Variants in GRID2 observed in about 807,000 individuals in gnomAD.
The protein encoded by GRID2 is glutamate ionotropic receptor delta type subunit 2.
GRID2 carries 33 observed loss-of-function variants against 114.8 expected under a neutral mutation model. The observed-to-expected ratio is 0.29, with a 90% CI of 0.22 to 0.38. GRID2 has a LOEUF of 0.38. Ranked by LOEUF, GRID2 falls within the 10% of genes least tolerant of loss-of-function variation. GRID2 has a pLI of 1.00. For missense variants in GRID2, 1,184 were observed against 1,257.7 expected (o/e 0.94, Z 0.89); for synonymous variants, 505 against 449.9 (o/e 1.12, Z -1.55).
chr4:92,681,801 T>G (rs1733662936), intron 2 of GRID2, among the ~76,000 whole-genome samples: 2 of 152,154 alleles, frequency 1.3e-5, no homozygotes, highest in African/African-American at 4.8e-5. Context: ...ATTGGTTTGT[T>G]GATTTAAAAA....
At chr4:92,429,360 C>A (rs894986472) in intron 1 of GRID2, among the ~76,000 whole-genome samples, 7 of 152,108 alleles carry the variant, frequency 4.6e-5, no homozygotes, top group Non-Finnish European at 8.8e-5. Context: ...TGTCTTTCTG[C>A]GCCTGGCTTA....
At chr4:92,308,227 A>G (rs1725514908) in intron 1 of GRID2, among the ~76,000 whole-genome samples, 1 of 152,170 alleles carries the variant, frequency 6.6e-6, no homozygotes, top group South Asian at 2.1e-4. Flanking sequence ...GTTTTGCTTC[A>G]TATCAACTAT....
At chr4:92,831,289 A>G (rs910669762) in intron 2 of GRID2, among the ~76,000 whole-genome samples, 2 of 152,190 alleles carry the variant, frequency 1.3e-5, no homozygotes, top group African/African-American at 4.8e-5. Context: ...TCAGAATATG[A>G]GTGAGTATGC....
chr4:92,519,439 A>T (rs1724662550), intron 1 of GRID2, among the ~76,000 whole-genome samples: 1 of 151,658 alleles, frequency 6.6e-6, no homozygotes, highest in African/African-American at 2.4e-5. Context: ...TCTAAGTACT[A>T]AAAAGTAATT....
intron 9 of GRID2, among the ~76,000 whole-genome samples, chr4:93,402,175 A>G (rs1412054553): frequency 6.6e-6 from 1 of 152,042 alleles, no homozygotes; most frequent in Non-Finnish European, 1.5e-5. Context: ...TCTATTTAAT[A>G]CACCTATGCT....
chr4:93,672,102 C>A (rs999807294), intron 14 of GRID2, among the ~76,000 whole-genome samples: 7 of 152,196 alleles, frequency 4.6e-5, no homozygotes, highest in Non-Finnish European at 8.8e-5. Context: ...TGCTGCTCCC[C>A]TCACTACCAG....
intron 2 of GRID2, among the ~76,000 whole-genome samples, chr4:92,678,856 A>G (rs910799128): frequency 2.0e-5 from 3 of 151,962 alleles, no homozygotes; most frequent in Non-Finnish European, 4.4e-5. Context: ...TTCTATTGGC[A>G]TATTTTCAAA....
intron 8 of GRID2, among the ~76,000 whole-genome samples, chr4:93,267,869 A>G (rs1473332249): frequency 6.6e-6 from 1 of 152,120 alleles, no homozygotes; most frequent in African/African-American, 2.4e-5. Context: ...CTGAGCTAGG[A>G]TTGGTGTGGC....
intron 2 of GRID2, among the ~76,000 whole-genome samples, chr4:92,827,541 C>T (rs1741808186): frequency 6.6e-6 from 1 of 151,980 alleles, no homozygotes; most frequent in Non-Finnish European, 1.5e-5. Flanking sequence ...TATCTTCACA[C>T]TACTGGGTTT....
chr4:93,700,382 A>T (rs1366157760), intron 14 of GRID2, among the ~76,000 whole-genome samples: 1 of 152,086 alleles, frequency 6.6e-6, no homozygotes, highest in African/African-American at 2.4e-5. Context: ...ACTGTGAAGG[A>T]TTCACTCTTG....
chr4:93,236,848 A>C (rs879926459), intron 7 of GRID2, among the ~76,000 whole-genome samples: 9 of 152,106 alleles, frequency 5.9e-5, no homozygotes, highest in Non-Finnish European at 8.8e-5. Context: ...ACTGAATTTT[A>C]ATTAACAAAA....
intron 1 of GRID2, among the ~76,000 whole-genome samples, chr4:93,786,809 A>G (rs1734602842): frequency 6.6e-6 from 1 of 152,144 alleles, no homozygotes; most frequent in Admixed American, 6.6e-5. Context: ...ACAGTTGCAC[A>G]TTTTTTTCAA....
intron 13 of GRID2, among the ~76,000 whole-genome samples, chr4:93,522,293 G>T (rs1267872722): frequency 6.6e-6 from 1 of 152,148 alleles, no homozygotes; most frequent in Non-Finnish European, 1.5e-5. Context: ...TTTGAAGAAA[G>T]AGAAAATAGG....
chr4:92,883,614 A>G (rs747060090), intron 2 of GRID2, among the ~76,000 whole-genome samples: 11 of 152,204 alleles, frequency 7.2e-5, no homozygotes, highest in Non-Finnish European at 1.6e-4. Context: ...TCCTTGATTC[A>G]TAGCTCGTAG....
chr4:92,347,431 A>G (rs1462726562), intron 1 of GRID2, among the ~76,000 whole-genome samples: 1 of 152,148 alleles, frequency 6.6e-6, no homozygotes, highest in Non-Finnish European at 1.5e-5. Context: ...TATATGCCTA[A>G]TCAATATTTT....
At chr4:92,770,194 A>G (rs1342651107) in intron 2 of GRID2, among the ~76,000 whole-genome samples, 1 of 152,208 alleles carries the variant, frequency 6.6e-6, no homozygotes, top group African/African-American at 2.4e-5. Flanking sequence ...GCAAAATGCC[A>G]CCAGTCTCTT....
chr4:93,000,688 A>G (rs1560783684), intron 2 of GRID2, among the ~76,000 whole-genome samples: 2 of 151,548 alleles, frequency 1.3e-5, no homozygotes, highest in Non-Finnish European at 3.0e-5. Flanking sequence ...TATATGTTTC[A>G]TACTTTGTTA....
chr4:93,798,769 C>T (rs1734859285), intron 1 of GRID2, among the ~76,000 whole-genome samples: 1 of 152,208 alleles, frequency 6.6e-6, no homozygotes, highest in Non-Finnish European at 1.5e-5. Flanking sequence ...TCCAATGCCT[C>T]TCCCCACCCT....
chr4:92,604,301 A>G (rs371884391), intron 2 of GRID2, among the ~76,000 whole-genome samples: 2 of 152,218 alleles, frequency 1.3e-5, no homozygotes, highest in Non-Finnish European at 2.9e-5. Flanking sequence ...ATGACCGTCA[A>G]TGATAAACTG....
Sources: gnomAD v4.1 joint callset for allele counts (sites outside exome capture counted in the v4.1 genomes callset) on GRCh38, gnomAD v4.1.1 for gene constraint, MANE v1.5 for transcripts, NCBI Gene and HGNC (gene_info 2026-07-23, HGNC 2026-07-21) for gene names.